The following TENM2 variants were observed in gnomAD, a reference collection of about 807,000 sequenced individuals.
The protein encoded by TENM2 is teneurin transmembrane protein 2, also known as teneurin-2.
In TENM2, 52 loss-of-function variants were observed where a neutral mutation model predicts 245.2. That is an observed-to-expected ratio of 0.21 (90% CI 0.17 to 0.27). The LOEUF (loss-of-function observed/expected upper bound fraction) is 0.27, where lower values mean the gene tolerates loss of function less well. Ranked by LOEUF, TENM2 falls within the 10% of genes least tolerant of loss-of-function variation. The pLI is 1.00. For missense variants in TENM2, 3,046 were observed against 3,666.8 expected, an observed-to-expected ratio of 0.83 and a Z score of 4.37; for synonymous variants, 1,363 against 1,438.9, an observed-to-expected ratio of 0.95 and a Z score of 1.19.
the TENM2 span, among the ~76,000 whole-genome samples, chr5:167,176,313 C>T: frequency 1.1e-4 from 16 of 152,152 alleles, no homozygotes; most frequent in Non-Finnish European, 1.9e-4. Context: ...CATGACTAAA[C>T]GTAGCCCTTT....
chr5:167,196,618 C>A, the TENM2 span, among the ~76,000 whole-genome samples: 4 of 150,718 alleles, frequency 2.7e-5, no homozygotes, highest in Middle Eastern at 3.5e-3. Flanking sequence ...AAATTCTGAT[C>A]AATATACAGT....
At chr5:167,502,088 C>T (rs1235059289) in intron 2 of TENM2, among the ~76,000 whole-genome samples, 2 of 151,688 alleles carry the variant, frequency 1.3e-5, no homozygotes, top group Non-Finnish European at 2.9e-5. Flanking sequence ...AGAAATATTT[C>T]ATTTTGACAT....
At chr5:167,900,957 TA>T (rs1290490085) in intron 3 of TENM2, among the ~76,000 whole-genome samples, 2 of 152,234 alleles carry the variant, frequency 1.3e-5, no homozygotes, top group African/African-American at 2.4e-5. Flanking sequence ...GACAGGAATG[TA>T]AAAAAGGCCT....
At chr5:166,986,250 T>C in the TENM2 span, among the ~76,000 whole-genome samples, 1 of 152,102 alleles carries the variant, frequency 6.6e-6, no homozygotes, top group East Asian at 1.9e-4. Context: ...GGCCTTAGAG[T>C]GTAAGGACAT....
intron 3 of TENM2, among the ~76,000 whole-genome samples, chr5:167,903,416 A>C (rs1396922254): frequency 6.6e-6 from 1 of 152,090 alleles, no homozygotes; most frequent in East Asian, 1.9e-4. Context: ...AGACAATCAC[A>C]TGAAGCCGCC....
the TENM2 span, among the ~76,000 whole-genome samples, chr5:167,005,633 T>A: frequency 6.7e-6 from 1 of 150,036 alleles, no homozygotes; most frequent in Non-Finnish European, 1.5e-5. Context: ...TAAATGCTCA[T>A]TCTTGTTTTT....
intron 6 of TENM2, among the ~76,000 whole-genome samples, chr5:168,052,248 A>G (rs899949167): frequency 6.6e-6 from 1 of 152,012 alleles, no homozygotes; most frequent in East Asian, 1.9e-4. Flanking sequence ...AAAGTTAGCC[A>G]GGCGGGGTGG....
chr5:167,696,390 G>T (rs2150420979), intron 2 of TENM2, among the ~76,000 whole-genome samples: 1 of 152,326 alleles, frequency 6.6e-6, no homozygotes, highest in Non-Finnish European at 1.5e-5. Flanking sequence ...GTTAAAACTT[G>T]TGATGAGTCC....
intron 5 of TENM2, among the ~76,000 whole-genome samples, chr5:168,026,956 A>G (rs1786678902): frequency 6.6e-6 from 1 of 152,182 alleles, no homozygotes; most frequent in Non-Finnish European, 1.5e-5. Flanking sequence ...CAGCCTCCCA[A>G]TTTCTACATG....
chr5:167,045,764 G>T, the TENM2 span, among the ~76,000 whole-genome samples: 415 of 152,288 alleles, frequency 2.7e-3, 3 homozygotes, highest in Non-Finnish European at 4.8e-3. Context: ...AGATGGGCCT[G>T]CCCATCCTTG....
intron 1 of TENM2, among the ~76,000 whole-genome samples, chr5:167,300,328 A>C (rs1755232743): frequency 6.6e-6 from 1 of 152,152 alleles, no homozygotes. Flanking sequence ...GCTGAGCCTA[A>C]TGGGTGTCAG....
At chr5:167,994,942 G>C (rs1783941373) in intron 5 of TENM2, among the ~76,000 whole-genome samples, 2 of 152,140 alleles carry the variant, frequency 1.3e-5, no homozygotes, top group Non-Finnish European at 2.9e-5. Context: ...GGCTGTTCAG[G>C]GGGCTCCGTG....
At chr5:167,801,106 AAAAATATATATATAT>A (rs1481728116) in intron 2 of TENM2, among the ~76,000 whole-genome samples, 850 of 64,826 alleles carry the variant, frequency 0.013, 11 homozygotes, top group South Asian at 0.056. Context: ...AAAAAAAAAA[AAAAATATATATATAT>A]ATATATATAT....
intron 2 of TENM2, among the ~76,000 whole-genome samples, chr5:167,441,106 C>A: frequency 6.6e-6 from 1 of 152,126 alleles, no homozygotes; most frequent in East Asian, 1.9e-4. Flanking sequence ...GCATGCTCAG[C>A]CATGCATAGA....
chr5:167,939,467 A>C (rs1227344968), intron 3 of TENM2, among the ~76,000 whole-genome samples: 1 of 152,178 alleles, frequency 6.6e-6, no homozygotes, highest in East Asian at 1.9e-4. Context: ...TTTACAACAA[A>C]AAAATCTGTT....
At chr5:167,464,877 TTGTTGAA>T (rs1766544377) in intron 2 of TENM2, among the ~76,000 whole-genome samples, 1 of 152,226 alleles carries the variant, frequency 6.6e-6, no homozygotes, top group Admixed American at 6.5e-5. Context: ...CACTATGCAT[TTGTTGAA>T]AATGTGCTGA....
chr5:168,146,235 C>T (rs1028114337), intron 12 of TENM2, among the ~76,000 whole-genome samples: 5 of 151,854 alleles, frequency 3.3e-5, no homozygotes, highest in Non-Finnish European at 5.9e-5. Context: ...TTATATAAAA[C>T]GTGCACATAT....
chr5:167,666,043 TA>T (rs1242657040), intron 2 of TENM2, among the ~76,000 whole-genome samples: 1 of 152,180 alleles, frequency 6.6e-6, no homozygotes, highest in Non-Finnish European at 1.5e-5. Context: ...GGTATTTGTG[TA>T]AAACAGGCGA....
At chr5:167,188,523 A>G in the TENM2 span, among the ~76,000 whole-genome samples, 3 of 152,058 alleles carry the variant, frequency 2.0e-5, no homozygotes, top group Non-Finnish European at 4.4e-5. Context: ...TCAGTATAAA[A>G]GGGAAAGAGA....
Sources: allele counts gnomAD v4.1 joint callset (sites outside exome capture counted in the v4.1 genomes callset), GRCh38; gene constraint gnomAD v4.1.1; transcripts MANE v1.5; gene names NCBI Gene and HGNC (gene_info 2026-07-23, HGNC 2026-07-21).